CAST: variants seen among roughly 807,000 people sequenced by gnomAD.
CAST encodes MIR583 host.
A neutral mutation model predicts 119.6 loss-of-function variants in CAST; 76 were observed. The observed-to-expected ratio is 0.64, with a 90% CI of 0.53 to 0.77. The LOEUF is 0.77. Among genes scored for constraint, CAST ranks in the 30% least tolerant of loss-of-function variants. CAST has a pLI of 0.00. For synonymous variants in CAST, 319 were observed against 331.6 expected, an observed-to-expected ratio of 0.96 and a Z score of 0.41; for missense variants, 953 against 946.5, an observed-to-expected ratio of 1.01 and a Z score of -0.09.
intron 1 of CAST, among the ~76,000 whole-genome samples, chr5:96,574,558 A>G (rs759771835): frequency 6.6e-6 from 1 of 151,976 alleles, no homozygotes; most frequent in Non-Finnish European, 1.5e-5. Flanking sequence ...CAATGCATCA[A>G]TTTTTCCTTT....
chr5:96,139,509 T>TATATATATGTGTATATATATAC, the CAST span, among the ~76,000 whole-genome samples: 1 of 141,116 alleles, frequency 7.1e-6, no homozygotes. Context: ...TATATACACA[T>TATATATATGTGTATATATATAC]ATATATATGT....
the CAST span, among the ~76,000 whole-genome samples, chr5:96,426,833 C>A: frequency 6.6e-6 from 1 of 152,086 alleles, no homozygotes; most frequent in South Asian, 2.1e-4. Flanking sequence ...AAATAATTTG[C>A]AACTGAAGGA....
the CAST span, among the ~76,000 whole-genome samples, chr5:96,322,807 A>G: frequency 8.5e-5 from 13 of 152,304 alleles, 1 homozygote; most frequent in African/African-American, 3.1e-4. Context: ...TCAGAAAATT[A>G]CTAGATTTTG....
chr5:96,266,535 G>T, the CAST span, among the ~76,000 whole-genome samples: 1 of 152,174 alleles, frequency 6.6e-6, no homozygotes, highest in Non-Finnish European at 1.5e-5. Flanking sequence ...ACTGTAGAAA[G>T]TTCATTCTAC....
At position 96,768,016 on chromosome 5, in the gene CAST, C is replaced by T; in HGVS notation, c.2268+17C>T. 1 of 1,517,060 alleles carries T rather than the reference C, an allele frequency of 6.6e-7. No individual in the cohort carries two copies. Among genetic ancestry groups the T allele is most frequent in the Non-Finnish European group, 9.2e-7 (1 of 1,091,950 alleles). The allele number at this position is 1,517,060 out of a possible 1,614,324, so 94.0% of individuals were successfully genotyped here. The stretch of plus-strand genomic sequence containing the variant: ...ACAGCAAAGGTACTGTGCTTTTTCA[C>T]ATTTCACTCTTTGAAATGTGTGTGT... On this transcript the variant is annotated intron_variant, in intron 29 of 31. Transcript: ENST00000675179.
chr5:96,149,497 T>C, the CAST span, among the ~76,000 whole-genome samples: 1 of 152,236 alleles, frequency 6.6e-6, no homozygotes, highest in Non-Finnish European at 1.5e-5. Context: ...GAACATGGCA[T>C]CAGCCTCATT....
At chr5:96,093,720 G>A in the CAST span, among the ~76,000 whole-genome samples, 2 of 152,182 alleles carry the variant, frequency 1.3e-5, no homozygotes, top group Non-Finnish European at 2.9e-5. Flanking sequence ...AGGCCCATGG[G>A]TATCTAGGCA....
chr5:96,770,301 G>A (rs1289567950), intron 29 of CAST: 1 of 497,074 alleles, frequency 2.0e-6, no homozygotes, highest in African/African-American at 1.9e-5. Context: ...GGGAATTAGA[G>A]CATCAATGTC....
At chr5:96,498,767 T>G in the CAST span, among the ~76,000 whole-genome samples, 1 of 152,236 alleles carries the variant, frequency 6.6e-6, no homozygotes, top group Non-Finnish European at 1.5e-5. Context: ...GTATGTCCGC[T>G]GCCACCCTTT....
the CAST span, among the ~76,000 whole-genome samples, chr5:96,117,443 A>G: frequency 6.6e-6 from 1 of 152,184 alleles, no homozygotes; most frequent in Non-Finnish European, 1.5e-5. Context: ...TGTGAGACTC[A>G]GGGAAACCTT....
chr5:96,220,477 A>G, the CAST span, among the ~76,000 whole-genome samples: 8 of 152,186 alleles, frequency 5.3e-5, no homozygotes, highest in Admixed American at 1.3e-4. Flanking sequence ...AACCTTTGAA[A>G]TTATCTAGAT....
At chr5:95,970,792 A>G in the CAST span, among the ~76,000 whole-genome samples, 1 of 152,342 alleles carries the variant, frequency 6.6e-6, no homozygotes, top group South Asian at 2.1e-4. Context: ...CTGTCCCTCT[A>G]ATCTTTGCCT....
At chr5:96,345,387 G>T in the CAST span, among the ~76,000 whole-genome samples, 2 of 152,076 alleles carry the variant, frequency 1.3e-5, no homozygotes, top group Non-Finnish European at 2.9e-5. Flanking sequence ...GAGATTTGTG[G>T]TTGGAGAGAT....
chr5:96,734,100 C>T (rs1228098413), intron 9 of CAST, among the ~76,000 whole-genome samples: 1 of 152,124 alleles, frequency 6.6e-6, no homozygotes, highest in Non-Finnish European at 1.5e-5. Flanking sequence ...GATCCAAGTT[C>T]AGTTAGGCAT....
the CAST span, among the ~76,000 whole-genome samples, chr5:96,043,909 A>G: frequency 6.6e-6 from 1 of 152,224 alleles, no homozygotes; most frequent in Non-Finnish European, 1.5e-5. Flanking sequence ...AAGGCAAACA[A>G]AAGCCCTGCT....
chr5:96,128,617 C>A, the CAST span, among the ~76,000 whole-genome samples: 1 of 152,100 alleles, frequency 6.6e-6, no homozygotes, highest in Non-Finnish European at 1.5e-5. Flanking sequence ...ATGAGAGAAG[C>A]AAGCACTACT....
At chr5:96,291,510 T>C in the CAST span, among the ~76,000 whole-genome samples, 1 of 152,180 alleles carries the variant, frequency 6.6e-6, no homozygotes, top group Non-Finnish European at 1.5e-5. Context: ...AAATGTCAAA[T>C]GACCAATAAC....
At chr5:96,375,854 C>T in the CAST span, among the ~76,000 whole-genome samples, 1 of 149,302 alleles carries the variant, frequency 6.7e-6, no homozygotes, top group Non-Finnish European at 1.5e-5. Flanking sequence ...CTTGCCAGCC[C>T]CCACAATCCT....
chr5:96,524,234 CATG>C (rs527717203), upstream of CAST, among the ~76,000 whole-genome samples: 125 of 152,336 alleles, frequency 8.2e-4, no homozygotes, highest in African/African-American at 2.8e-3. Context: ...CGTGTGTTCC[CATG>C]CCTAATAGAC....
Sources: gnomAD v4.1 joint callset for allele counts (sites outside exome capture counted in the v4.1 genomes callset) on GRCh38, gnomAD v4.1.1 for gene constraint, MANE v1.5 for transcripts, NCBI Gene and HGNC (gene_info 2026-07-23, HGNC 2026-07-21) for gene names.